The following SPG7 variants were observed in gnomAD, a reference collection of about 807,000 sequenced individuals.
The protein encoded by SPG7 is SPG7 matrix AAA peptidase subunit, paraplegin, also known as mitochondrial inner membrane m-AAA protease component paraplegin.
Under a neutral mutation model 81.9 loss-of-function variants are expected in SPG7, and 103 were observed. The ratio of observed to expected loss-of-function variants is 1.26; its 90% CI spans 1.07 to 1.48. SPG7 has a LOEUF of 1.48. SPG7 is among the 40% of genes most tolerant of loss of function. SPG7 has a pLI of 0.00. For synonymous variants in SPG7, 534 were observed against 444.2 expected, an observed-to-expected ratio of 1.20 and a Z score of -2.54; for missense variants, 1,241 against 1,087.3, an observed-to-expected ratio of 1.14 and a Z score of -1.99.
chr16:89,534,115 C>T (rs1387655893), intron 9 of SPG7, among the ~76,000 whole-genome samples: 1 of 152,222 alleles, frequency 6.6e-6, no homozygotes, highest in African/African-American at 2.4e-5. Flanking sequence ...CCACGTGTCT[C>T]CAGAACTTTC....
chr16:89,508,659 G>A, intron 1 of SPG7, 59 bp downstream of exon 1: 2 of 1,416,646 alleles, frequency 1.4e-6, no homozygotes, highest in Non-Finnish European at 9.2e-7. Flanking sequence ...GTAAGGCCCA[G>A]CCCGGCGGGG....
chr16:89,553,563 G>A (rs1023198637), intron 14 of SPG7: 2 of 576,370 alleles, frequency 3.5e-6, no homozygotes, highest in Non-Finnish European at 3.1e-6. Flanking sequence ...GCTCCAGTAT[G>A]CCCCCGGGTT....
At chr16:89,547,823 G>A in intron 11 of SPG7, 180 bp from the exon 12 acceptor site, 2 of 632,946 alleles carry the variant, frequency 3.2e-6, no homozygotes, top group Non-Finnish European at 5.8e-6. Flanking sequence ...CTGTTGGCCA[G>A]GCTGGTCTCA....
chr16:89,539,172 G>T (rs1567921520), intron 9 of SPG7: 1 of 152,250 alleles, frequency 6.6e-6, no homozygotes, highest in Non-Finnish European at 1.5e-5. Flanking sequence ...ACGGGGAACA[G>T]CAAAAGCTGC....
rs546956550 is a variant in SPG7 at position 89,508,782 on chromosome 16, C to T, written c.183+182C>T. 15 of 760,108 alleles carry T rather than the reference C, an allele frequency of 2.0e-5. No individual in the cohort carries two copies. In the African/African-American group the frequency reaches 2.4e-4, roughly 12 times the overall value. The allele number at this position is 760,108 out of a possible 1,614,324, so 47.1% of individuals were successfully genotyped here. A position where few individuals can be genotyped will look rare whatever the true frequency, so the allele number is the denominator to read the frequency against. On this transcript the variant is annotated intron_variant, in intron 1 of 16. Coordinates refer to ENST00000645818, the MANE Select transcript of SPG7 (RefSeq NM_003119.4). Reference sequence around the variant, plus strand: ...GACTGTTGGGGCCCTGGATCGTGGGCGCTGGGCGGGCCGGGAAGAGGCAGG... The same window carrying T: ...GACTGTTGGGGCCCTGGATCGTGGGTGCTGGGCGGGCCGGGAAGAGGCAGG...
At chr16:89,547,086 G>A (rs1056637039) in intron 11 of SPG7, 3 of 358,582 alleles carry the variant, frequency 8.4e-6, no homozygotes, top group East Asian at 6.5e-5. Context: ...GTCAGACCAC[G>A]CAGTCCCGGC....
Position 89,532,034 on chromosome 16 carries a change from T to C in SPG7, c.1118T>C (p.Met373Thr), listed in dbSNP as rs1001326589. 8 of 1,613,360 alleles carry C rather than the reference T, an allele frequency of 5.0e-6. No individual in the cohort carries two copies. Among genetic ancestry groups the C allele is most frequent in the Non-Finnish European group, 6.8e-6 (8 of 1,179,950 alleles). Residue 373 changes from methionine (M) to threonine (T), a missense_variant, in exon 8 of 17, where the codon ATG (methionine) becomes ACG (threonine). Met to Thr is a moderately conservative substitution (Grantham distance 81). Coordinates refer to ENST00000645818, the MANE Select transcript of SPG7 (RefSeq NM_003119.4). ...GAGGCTCAGGTGCCCTTCCTGGCGA[T>C]GGCCGGCCCAGAGTTCGTGGAGGTC... ...ATEAQVPFLA[M>T]AGPEFVEVIG...
intron 10 of SPG7, chr16:89,545,567 CGGCTTCTCCAGGGGACAT>C (rs2058553138): frequency 2.4e-5 from 5 of 206,122 alleles, no homozygotes; most frequent in Admixed American, 5.9e-5. Flanking sequence ...CCAGGGGACA[CGGCTTCTCCAGGGGACAT>C]GGCTTCTCCA....
chr16:89,537,569 T>C, intron 9 of SPG7: 2 of 987,782 alleles, frequency 2.0e-6, no homozygotes, highest in Non-Finnish European at 2.4e-6. Context: ...TGTCGTTCTG[T>C]CGCCCAGGCT....
At chr16:89,539,870 T>G (rs2058473523) in intron 9 of SPG7, 3 of 152,206 alleles carry the variant, frequency 2.0e-5, no homozygotes, top group African/African-American at 7.2e-5. Context: ...CCCCCATGCC[T>G]GGCCTCTCAT....
At chr16:89,544,518 G>A (rs1047155350) in intron 9 of SPG7, 130 bp from the exon 10 acceptor site, 96 of 1,042,864 alleles carry the variant, frequency 9.2e-5, no homozygotes, top group South Asian at 8.5e-4. Context: ...CAGAAGGACC[G>A]GGCTGTTCCT....
At chr16:89,513,553 C>G (rs1250470439) in intron 3 of SPG7, among the ~76,000 whole-genome samples, 1 of 151,784 alleles carries the variant, frequency 6.6e-6, no homozygotes, top group Non-Finnish European at 1.5e-5. Flanking sequence ...TTAAAAAGAC[C>G]CTATCTATAC....
At chr16:89,542,738 A>G (rs1417774508) in intron 9 of SPG7, among the ~76,000 whole-genome samples, 1 of 152,070 alleles carries the variant, frequency 6.6e-6, no homozygotes, top group Non-Finnish European at 1.5e-5. Context: ...TCCTGTCCTA[A>G]GAACATGGGG....
At chr16:89,550,424 T>C in intron 12 of SPG7, 70 bp from the exon 13 acceptor site, 2 of 1,078,436 alleles carry the variant, frequency 1.9e-6, no homozygotes, top group Non-Finnish European at 2.9e-6. Flanking sequence ...CCGCCCGCCT[T>C]GGCCTCCCAC....
At chr16:89,516,445 G>A (rs78551713) in intron 3 of SPG7, among the ~76,000 whole-genome samples, 4,737 of 152,102 alleles carry the variant, frequency 0.031, 235 homozygotes, top group African/African-American at 0.11. Context: ...CAGCTACTCC[G>A]GAGTCTGAGG....
chr16:89,538,023 A>C (rs1276704562), intron 9 of SPG7: 1 of 152,588 alleles, frequency 6.6e-6, no homozygotes, highest in African/African-American at 2.4e-5. Context: ...GGTTGCGAGC[A>C]CTGCCGAGCC....
Position 89,536,688 on chromosome 16 carries a change from G to A in SPG7, c.1324+4052G>A, listed in dbSNP as rs2058429250. On this transcript the variant is annotated intron_variant, in intron 9 of 16. Coordinates refer to ENST00000645818, the MANE Select transcript of SPG7 (RefSeq NM_003119.4). ...GCGGGTGAGATCGGGCGAGGCGGGC[G>A]GCTGCGCTGCTCTGGCTGTGTGGCG... is the stretch of plus-strand genomic sequence containing the variant. 1.4e-5 allele frequency: 22 copies of A among 1,569,078 alleles called. No homozygotes were observed. In the South Asian group the frequency reaches 1.6e-4, roughly 11 times the overall value.
chr16:89,546,092 C>T (rs2058560008), intron 10 of SPG7: 9 of 248,262 alleles, frequency 3.6e-5, no homozygotes, highest in East Asian at 2.5e-4. Context: ...AGAGCGTTCT[C>T]TTTTTTTTTT....
At position 89,526,748 on chromosome 16, in the gene SPG7, C is replaced by G. The variant is rs1174142656; in HGVS notation, c.758+280C>G. The G allele has an allele frequency of 1.7e-5, 7 of 406,870 alleles. No homozygotes were observed. In the East Asian group the frequency reaches 3.4e-4, roughly 20 times the overall value. 25.2% of individuals were successfully genotyped at this position (406,870 alleles called of 1,614,324 possible). Reference sequence around the variant, plus strand: ...GGTGTAGGATGCTGAAGTCTAAGCCCCTGATGTAGATGCCGAAGTCTCAGC... The same window carrying G: ...GGTGTAGGATGCTGAAGTCTAAGCCGCTGATGTAGATGCCGAAGTCTCAGC... On this transcript the variant is annotated intron_variant, in intron 5 of 16. Transcript: ENST00000645818.
Sources: gnomAD v4.1 joint callset for allele counts (sites outside exome capture counted in the v4.1 genomes callset) on GRCh38, gnomAD v4.1.1 for gene constraint, MANE v1.5 for transcripts, NCBI Gene and HGNC (gene_info 2026-07-23, HGNC 2026-07-21) for gene names.